Variants in SLIT3 observed in about 807,000 individuals in gnomAD.
SLIT3 encodes slit homolog 3 protein.
A neutral mutation model predicts 184.0 loss-of-function variants in SLIT3; 68 were observed. The observed-to-expected ratio is 0.37, with a 90% CI of 0.30 to 0.45. The LOEUF is 0.45. Ranked by LOEUF, SLIT3 falls within the 20% of genes least tolerant of loss-of-function variation. The pLI is 1.00. For missense variants in SLIT3, 1,707 were observed against 2,026.0 expected (o/e 0.84, Z 3.02); for synonymous variants, 831 against 828.6 (o/e 1.00, Z -0.05).
At chr5:169,069,582 A>G (rs1278677300) in intron 4 of SLIT3, among the ~76,000 whole-genome samples, 1 of 152,152 alleles carries the variant, frequency 6.6e-6, no homozygotes, top group African/African-American at 2.4e-5. Flanking sequence ...GGTCTCTGGG[A>G]GCACTGGACA....
At position 169,199,731 on chromosome 5, in the gene SLIT3, G is replaced by A. The variant is rs116349553; in HGVS notation, c.342-6181C>T. Among the ~76,000 whole-genome samples, 621 of 152,300 alleles carry A rather than the reference G, an allele frequency of 4.1e-3. 2 individuals carry two copies. The highest frequency in any genetic ancestry group is 7.1e-3 in the Non-Finnish European group (481 of 68,026). On this transcript the variant is annotated intron_variant, in intron 3 of 35. Transcript: ENST00000519560. ...TAGTTGGTGGGACTTGAACCCAGGT[G>A]CCTGCTGCTAAGCCTGTGCTCTTAC...
At chr5:169,023,392 G>A (rs1756678919) in intron 4 of SLIT3, among the ~76,000 whole-genome samples, 1 of 152,056 alleles carries the variant, frequency 6.6e-6, no homozygotes, top group Admixed American at 6.6e-5. Flanking sequence ...AAGAGGGGTG[G>A]AATTTTCATT....
At chr5:168,772,351 C>T (rs1386075589) in intron 14 of SLIT3, 1 of 188,746 alleles carries the variant, frequency 5.3e-6, no homozygotes, top group Admixed American at 5.5e-5. Flanking sequence ...GTGGGAGGTC[C>T]CCAAGATTAC....
At chr5:169,227,732 C>A (rs1250739315) in intron 3 of SLIT3, among the ~76,000 whole-genome samples, 2 of 152,188 alleles carry the variant, frequency 1.3e-5, no homozygotes, top group Non-Finnish European at 2.9e-5. Context: ...AGACCTTTCT[C>A]ATTATTTTTA....
At chr5:169,081,416 G>A (rs1304728384) in intron 4 of SLIT3, among the ~76,000 whole-genome samples, 3 of 152,166 alleles carry the variant, frequency 2.0e-5, no homozygotes, top group South Asian at 2.1e-4. Flanking sequence ...AAGGGTCTCC[G>A]TAAACCTGCC....
At chr5:168,704,546 G>A (rs1762320889) in intron 26 of SLIT3, among the ~76,000 whole-genome samples, 1 of 152,184 alleles carries the variant, frequency 6.6e-6, no homozygotes, top group Non-Finnish European at 1.5e-5. Context: ...GAGAGCTTGG[G>A]TAAATTATTT....
At chr5:169,180,826 C>G (rs909806543) in intron 4 of SLIT3, among the ~76,000 whole-genome samples, 3 of 152,200 alleles carry the variant, frequency 2.0e-5, no homozygotes, top group African/African-American at 7.2e-5. Context: ...AATGGAACCC[C>G]TAACAATTAT....
chr5:169,075,575 G>C (rs1453098476), intron 4 of SLIT3, among the ~76,000 whole-genome samples: 1 of 152,164 alleles, frequency 6.6e-6, no homozygotes, highest in Non-Finnish European at 1.5e-5. Context: ...GGCTGTATAA[G>C]AGCTTTCTTC....
At chr5:169,223,646 T>C (rs1280777202) in intron 3 of SLIT3, among the ~76,000 whole-genome samples, 1 of 152,206 alleles carries the variant, frequency 6.6e-6, no homozygotes, top group African/African-American at 2.4e-5. Flanking sequence ...GTCATATACA[T>C]AGCCTGTCTT....
At chr5:168,681,977 AAG>A (rs1340358231) in intron 32 of SLIT3, among the ~76,000 whole-genome samples, 1 of 152,214 alleles carries the variant, frequency 6.6e-6, no homozygotes, top group Non-Finnish European at 1.5e-5. Flanking sequence ...CTGAGGCACA[AAG>A]AGGCTGAATC....
intron 4 of SLIT3, among the ~76,000 whole-genome samples, chr5:169,038,730 G>A (rs1202055990): frequency 6.6e-6 from 1 of 151,954 alleles, no homozygotes; most frequent in African/African-American, 2.4e-5. Context: ...TGGGATTCAG[G>A]TACAGGACTG....
Position 168,778,296 on chromosome 5 carries a change from C to A in SLIT3, c.1152-3918G>T, listed in dbSNP as rs147695243. On this transcript the variant is annotated intron_variant, in intron 12 of 35. Coordinates refer to ENST00000519560, the MANE Select transcript of SLIT3 (RefSeq NM_003062.4). ...AGGTTCAGAGTGGTGACGGACTCAACCAAGGTCCCCCAGCAATAAGCGAAG... is the reference window on the plus strand; with the variant it reads ...AGGTTCAGAGTGGTGACGGACTCAAACAAGGTCCCCCAGCAATAAGCGAAG... Among the ~76,000 whole-genome samples, 1,041 of 152,324 alleles carry A rather than the reference C, an allele frequency of 6.8e-3. 12 individuals are homozygous for A. The highest frequency in any genetic ancestry group is 0.024 in the African/African-American group (984 of 41,570).
chr5:168,774,432 G>T (rs765108433), intron 12 of SLIT3, 54 bp from the exon 13 acceptor site: 73 of 1,551,440 alleles, frequency 4.7e-5, no homozygotes, highest in Non-Finnish European at 6.2e-5. Context: ...TTACCTGCGG[G>T]GCAAGGGTTG....
intron 3 of SLIT3, among the ~76,000 whole-genome samples, chr5:169,216,805 A>T (rs1470035537): frequency 1.3e-5 from 2 of 152,276 alleles, no homozygotes; most frequent in African/African-American, 2.4e-5. Context: ...GTGGGTCTTT[A>T]TATGTCTGTC....
At chr5:169,238,135 C>G (rs1765264861) in intron 3 of SLIT3, among the ~76,000 whole-genome samples, 1 of 152,120 alleles carries the variant, frequency 6.6e-6, no homozygotes, top group Non-Finnish European at 1.5e-5. Flanking sequence ...AGTCTTGAAA[C>G]TGGATAGTGT....
intron 27 of SLIT3, 93 bp from the exon 28 acceptor site, chr5:168,696,524 C>CT: frequency 1.4e-6 from 2 of 1,473,578 alleles, no homozygotes; most frequent in Non-Finnish European, 1.9e-6. Flanking sequence ...GTGGGAAATA[C>CT]AATTAGTTTT....
intron 4 of SLIT3, among the ~76,000 whole-genome samples, chr5:168,976,103 C>T (rs1754747440): frequency 6.6e-6 from 1 of 152,182 alleles, no homozygotes; most frequent in Admixed American, 6.5e-5. Context: ...ATTCTCAGTG[C>T]TTTCATTCAT....
At chr5:168,691,445 G>A (rs1161508568) in intron 29 of SLIT3, among the ~76,000 whole-genome samples, 2 of 152,224 alleles carry the variant, frequency 1.3e-5, no homozygotes, top group Non-Finnish European at 2.9e-5. Flanking sequence ...CCCTGTGACT[G>A]AGAACAGGAC....
At chr5:168,884,565 T>TG (rs1561986505) in intron 4 of SLIT3, among the ~76,000 whole-genome samples, 1 of 121,178 alleles carries the variant, frequency 8.3e-6, no homozygotes, top group East Asian at 2.4e-4. Flanking sequence ...TATATATATA[T>TG]ATATATATAT....
Sources: gnomAD v4.1 joint callset for allele counts (sites outside exome capture counted in the v4.1 genomes callset) on GRCh38, gnomAD v4.1.1 for gene constraint, MANE v1.5 for transcripts, NCBI Gene and HGNC (gene_info 2026-07-23, HGNC 2026-07-21) for gene names.